Variants in CNTN3 observed in about 807,000 individuals in gnomAD.
CNTN3 encodes contactin 3, also known as contactin-3.
CNTN3 carries 60 observed loss-of-function variants against 119.1 expected under a neutral mutation model. The observed-to-expected ratio is 0.50, with a 90% confidence interval of 0.41 to 0.62. CNTN3 has a LOEUF of 0.62. Among genes scored for constraint, CNTN3 ranks in the 20% least tolerant of loss-of-function variants. The pLI, the probability that CNTN3 is intolerant of heterozygous loss-of-function variation, is 0.00. For missense variants in CNTN3, 1,101 were observed against 1,242.4 expected (o/e 0.89, Z 1.71); for synonymous variants, 450 against 438.7 (o/e 1.03, Z -0.32).
At chr3:74,580,823 A>AC (rs1704493489) in intron 1 of CNTN3, among the ~76,000 whole-genome samples, 1 of 152,132 alleles carries the variant, frequency 6.6e-6, no homozygotes, top group Non-Finnish European at 1.5e-5. Flanking sequence ...GGCTCAAGTG[A>AC]CCCTCCCACC....
chr3:74,445,008 T>G lies in CNTN3; in HGVS notation c.359-20068A>C, dbSNP rs147656109. Among the ~76,000 whole-genome samples the G allele has an allele frequency of 6.8e-3, 1,029 of 152,284 alleles. 17 individuals are homozygous for G. The highest frequency in any genetic ancestry group is 0.024 in the African/African-American group (985 of 41,556). ...ACTTGAAGGGATTAAATACAGCTAT[T>G]TTTCCTGAAGTCAGCAAAGAGAATC... On this transcript the variant is annotated intron_variant, in intron 4 of 22. Transcript: ENST00000263665.
At chr3:74,526,090 T>C (rs1703614823) in intron 1 of CNTN3, among the ~76,000 whole-genome samples, 1 of 152,012 alleles carries the variant, frequency 6.6e-6, no homozygotes. Flanking sequence ...AGAAAAACCC[T>C]ACAGCAATTT....
intron 1 of CNTN3, among the ~76,000 whole-genome samples, chr3:74,558,310 C>T (rs1336958093): frequency 6.6e-6 from 1 of 152,156 alleles, no homozygotes; most frequent in Non-Finnish European, 1.5e-5. Context: ...CCTGAGGACA[C>T]TCTCAAACAA....
intron 13 of CNTN3, among the ~76,000 whole-genome samples, chr3:74,324,168 A>G (rs1404032245): frequency 6.6e-6 from 1 of 152,000 alleles, no homozygotes; most frequent in African/African-American, 2.4e-5. Flanking sequence ...GTCCTAAGAT[A>G]TTAATAACAC....
chr3:74,567,644 C>A (rs919306679), intron 1 of CNTN3, among the ~76,000 whole-genome samples: 3 of 152,056 alleles, frequency 2.0e-5, no homozygotes, highest in Non-Finnish European at 4.4e-5. Flanking sequence ...CAAGAAGGGA[C>A]CTTTTTGAAT....
At chr3:74,481,259 T>A (rs1702758461) in intron 4 of CNTN3, among the ~76,000 whole-genome samples, 2 of 151,836 alleles carry the variant, frequency 1.3e-5, no homozygotes, top group South Asian at 4.1e-4. Context: ...TTTAACCCAA[T>A]GAACATATGG....
At chr3:74,439,917 G>A (rs1032515015) in intron 4 of CNTN3, among the ~76,000 whole-genome samples, 4 of 152,114 alleles carry the variant, frequency 2.6e-5, no homozygotes, top group Non-Finnish European at 4.4e-5. Flanking sequence ...TGGCCAACTG[G>A]TTCCTTAACC....
Position 74,302,682 on chromosome 3 carries a change from T to A in CNTN3, c.1786+8A>T. Reference sequence around the variant, plus strand: ...AGTGACAAACTCAAGGGGGCATAAATGTTTTACCTCTTACTATGAGGTCAG... The same window carrying A: ...AGTGACAAACTCAAGGGGGCATAAAAGTTTTACCTCTTACTATGAGGTCAG... On this transcript the variant is annotated splice_region_variant and intron_variant, in intron 14 of 22. Coordinates refer to ENST00000263665, the MANE Select transcript of CNTN3 (RefSeq NM_020872.3). The A allele has an allele frequency of 6.4e-7, 1 of 1,557,980 alleles. No individual in the cohort carries two copies.
At chr3:74,442,695 C>T (rs962438561) in intron 4 of CNTN3, among the ~76,000 whole-genome samples, 4 of 152,140 alleles carry the variant, frequency 2.6e-5, no homozygotes, top group African/African-American at 9.7e-5. Context: ...ATGGGTGGTG[C>T]AAAGATTCAG....
chr3:74,273,212 T>C (rs1297763414), intron 20 of CNTN3, among the ~76,000 whole-genome samples: 1 of 152,206 alleles, frequency 6.6e-6, no homozygotes, highest in Non-Finnish European at 1.5e-5. Context: ...GTCTGAAACA[T>C]TCAGACTCAT....
chr3:74,364,676 A>G (rs1686369742), intron 9 of CNTN3, 80 bp from the exon 10 acceptor site: 1 of 1,235,182 alleles, frequency 8.1e-7, no homozygotes, highest in Admixed American at 2.0e-5. Context: ...CATTTCACTC[A>G]CACAGAAACT....
intron 1 of CNTN3, among the ~76,000 whole-genome samples, chr3:74,579,325 CTT>C (rs952570796): frequency 6.0e-5 from 9 of 151,028 alleles, no homozygotes; most frequent in Non-Finnish European, 1.2e-4. Context: ...TAAAAGCACT[CTT>C]TCAGTTATGA....
Position 74,486,390 on chromosome 3 carries a change from G to A in CNTN3, c.358+66C>T, listed in dbSNP as rs142296435. On this transcript the variant is annotated intron_variant, in intron 4 of 22. Transcript: ENST00000263665. ...ATGTATTATTTCTGAAATCCAAAAC[G>A]ACTACACAAATTAAGTTACATATTT... is the stretch of plus-strand genomic sequence containing the variant. The A allele has an allele frequency of 8.1e-4, 1,124 of 1,395,254 alleles. 21 individuals are homozygous for A. In the Admixed American group the frequency reaches 0.025, roughly 32 times the overall value. 86.4% of individuals were successfully genotyped at this position (1,395,254 alleles called of 1,614,324 possible).
chr3:74,544,350 A>T (rs1703884084), intron 1 of CNTN3, among the ~76,000 whole-genome samples: 1 of 152,224 alleles, frequency 6.6e-6, no homozygotes, highest in Non-Finnish European at 1.5e-5. Context: ...CATATTGTTG[A>T]ACTCTTCACT....
At chr3:74,562,105 T>A (rs1438007895) in intron 1 of CNTN3, among the ~76,000 whole-genome samples, 1 of 152,128 alleles carries the variant, frequency 6.6e-6, no homozygotes. Flanking sequence ...ATGAGGCTCC[T>A]GGCATTTTCC....
At chr3:74,529,084 T>C (rs1476634298) in intron 1 of CNTN3, among the ~76,000 whole-genome samples, 1 of 151,934 alleles carries the variant, frequency 6.6e-6, no homozygotes, top group Non-Finnish European at 1.5e-5. Flanking sequence ...AAAATAGTTC[T>C]TGAATGATAT....
At chr3:74,457,387 C>T (rs1299236102) in intron 4 of CNTN3, among the ~76,000 whole-genome samples, 1 of 151,940 alleles carries the variant, frequency 6.6e-6, no homozygotes, top group Non-Finnish European at 1.5e-5. Flanking sequence ...ACTTTTTATA[C>T]TTTATCATCA....
intron 4 of CNTN3, among the ~76,000 whole-genome samples, chr3:74,443,745 C>T (rs1292591029): frequency 6.6e-6 from 1 of 152,046 alleles, no homozygotes; most frequent in African/African-American, 2.4e-5. Context: ...CCTAGGAGGT[C>T]GTTATTAATA....
rs899636796 is a variant in CNTN3, at chr3:74,467,254, A to T, written c.358+19202T>A. On this transcript the variant is annotated intron_variant, in intron 4 of 22. Transcript: ENST00000263665. ...TAAATCATCCTAAAATGACTAAAAAATAAGAGTTATTTTACCAAATGCAGA... is the reference window on the plus strand; with the variant it reads ...TAAATCATCCTAAAATGACTAAAAATTAAGAGTTATTTTACCAAATGCAGA... Among the ~76,000 whole-genome samples the T allele has an allele frequency of 3.9e-5, 6 of 152,304 alleles. 1 individual carries two copies. In the South Asian group the frequency reaches 1.2e-3, roughly 32 times the overall value.
Sources: gnomAD v4.1 joint callset for allele counts (sites outside exome capture counted in the v4.1 genomes callset) on GRCh38, gnomAD v4.1.1 for gene constraint, MANE v1.5 for transcripts, NCBI Gene and HGNC (gene_info 2026-07-23, HGNC 2026-07-21) for gene names.